The following DPP9 variants were observed in gnomAD, a reference collection of about 807,000 sequenced individuals.
DPP9 encodes dipeptidyl peptidase 9, also known as dipeptidyl peptidase IV-related protein-2.
Under a neutral mutation model 110.7 loss-of-function variants are expected in DPP9, and 50 were observed. That is an observed-to-expected ratio of 0.45 (90% confidence interval 0.36 to 0.57). The LOEUF (loss-of-function observed/expected upper bound fraction) is 0.57. Ranked by LOEUF, DPP9 falls within the 20% of genes least tolerant of loss-of-function variation. The probability of loss-of-function intolerance (pLI) is 0.00; values close to 1 mark genes in which losing one functional copy is unlikely to be tolerated. For missense variants in DPP9, 1,022 were observed against 1,217.9 expected (o/e 0.84, Z 2.39); for synonymous variants, 561 against 514.4 (o/e 1.09, Z -1.23).
intron 21 of DPP9, among the ~76,000 whole-genome samples, chr19:4,678,167 C>T (rs191786437): frequency 5.9e-5 from 9 of 151,892 alleles, no homozygotes; most frequent in Admixed American, 1.3e-4. Flanking sequence ...GGCTGGAGTG[C>T]AGTGGCACAA....
chr19:4,689,376 A>G lies in DPP9; in HGVS notation c.1749+194T>C, dbSNP rs376035973. On this transcript the variant is annotated intron_variant, in intron 15 of 21. Transcript: ENST00000262960. The surrounding 1 kb of genome is among the most constrained non-coding windows in gnomAD (Gnocchi z 7.0). Reference sequence around the variant, plus strand: ...GGGCTCCACCACTTACTACCCTGGGATTGGTGGTGGGCAATTCACTCCCTT... The same window carrying G: ...GGGCTCCACCACTTACTACCCTGGGGTTGGTGGTGGGCAATTCACTCCCTT... Among the ~76,000 whole-genome samples, 1 of 152,156 alleles carries G rather than the reference A, an allele frequency of 6.6e-6. No individual in the cohort carries two copies. The highest frequency in any genetic ancestry group is 2.4e-5 in the African/African-American group (1 of 41,450).
chr19:4,720,373 C>T (rs141092962), intron 2 of DPP9, among the ~76,000 whole-genome samples: 4 of 152,306 alleles, frequency 2.6e-5, no homozygotes, highest in Non-Finnish European at 5.9e-5. Context: ...CCTGCTCGCT[C>T]CTAGCACACA....
Position 4,714,223 on chromosome 19 carries a change from C to G in DPP9, c.171G>C (p.Lys57Asn). 5 of 1,602,688 alleles carry G rather than the reference C, an allele frequency of 3.1e-6. No homozygotes were observed. The highest frequency in any genetic ancestry group is 4.3e-6 in the Non-Finnish European group (5 of 1,175,138). Residue 57 changes from lysine (K) to asparagine (N), a missense_variant, in exon 4 of 22, where the codon AAG (lysine) becomes AAC (asparagine). Physicochemically the swap from Lys to Asn is moderately conservative, Grantham distance 94. Around this residue, in one of 3 missense-constraint regions of DPP9, gnomAD observed 810 missense variants for 920.6 expected, o/e 0.88. Coordinates refer to ENST00000262960, the MANE Select transcript of DPP9 (RefSeq NM_139159.5). ...DDPAARFQVQ[K>N]HSWDGLRSII... Reference sequence around the variant, plus strand: ...TGCTCCGGAGCCCGTCCCACGAGTGCTTCTGCACCTGGAAGCGGGCGGCCG... The same window carrying G: ...TGCTCCGGAGCCCGTCCCACGAGTGGTTCTGCACCTGGAAGCGGGCGGCCG...
chr19:4,683,315 C>T (rs2090189649), intron 19 of DPP9, 162 bp downstream of exon 19: 2 of 1,453,830 alleles, frequency 1.4e-6, no homozygotes, highest in Non-Finnish European at 9.0e-7. Context: ...GGCTCGGCCC[C>T]GTGGGGCTGC....
intron 4 of DPP9, among the ~76,000 whole-genome samples, chr19:4,709,068 A>C (rs570325296): frequency 5.9e-5 from 9 of 151,448 alleles, no homozygotes; most frequent in African/African-American, 1.9e-4. Flanking sequence ...CAGGAGCACA[A>C]CACCACACCC....
chr19:4,723,202 G>C (rs372605172), intron 1 of DPP9, among the ~76,000 whole-genome samples: 1 of 152,236 alleles, frequency 6.6e-6, no homozygotes, highest in Admixed American at 6.5e-5. Context: ...GGAGGAAGTG[G>C]TAAAGGAGTG....
At chr19:4,688,393 G>A (rs930347064) in intron 16 of DPP9, 4 of 226,558 alleles carry the variant, frequency 1.8e-5, no homozygotes, top group African/African-American at 9.0e-5. Context: ...ACAGGCAGAA[G>A]CCACTGTGCC....
chr19:4,692,116 G>A (rs902221563), intron 13 of DPP9, among the ~76,000 whole-genome samples: 4 of 152,086 alleles, frequency 2.6e-5, no homozygotes, highest in South Asian at 2.1e-4. Flanking sequence ...CCACATCCCC[G>A]GCTGGAACAA....
At chr19:4,679,061 T>G (rs1056487994) in intron 21 of DPP9, among the ~76,000 whole-genome samples, 44 of 143,740 alleles carry the variant, frequency 3.1e-4, no homozygotes, top group African/African-American at 1.1e-3. Flanking sequence ...CCACCCTGCT[T>G]ACTGAGGGCC....
chr19:4,715,679 T>C (rs932892247), intron 3 of DPP9: 1 of 152,252 alleles, frequency 6.6e-6, no homozygotes, highest in African/African-American at 2.4e-5. Context: ...GCTGTTGGCT[T>C]GCTGTCCAGC....
At chr19:4,713,399 C>T (rs1200752718) in intron 4 of DPP9, among the ~76,000 whole-genome samples, 1 of 152,246 alleles carries the variant, frequency 6.6e-6, no homozygotes, top group Non-Finnish European at 1.5e-5. Context: ...GCAGCCTAAC[C>T]CGTGCCCTGA....
chr19:4,710,804 T>C lies in DPP9; in HGVS notation c.313+3277A>G, dbSNP rs896199694. Among the ~76,000 whole-genome samples the C allele has an allele frequency of 3.3e-5, 5 of 151,936 alleles. No homozygotes were observed. Among genetic ancestry groups the C allele is most frequent in the Non-Finnish European group, 5.9e-5 (4 of 67,966 alleles). ...AGTGTGAAGTGACAGCCTGGAGTCG[T>C]TGAAGGGTGAATTTCACCCCGAAAG... On this transcript the variant is annotated intron_variant, in intron 4 of 21. Coordinates refer to ENST00000262960, the MANE Select transcript of DPP9 (RefSeq NM_139159.5). This position sits in a 1 kb window ranked among gnomAD's most constrained non-coding sequence, Gnocchi z 5.6.
At chr19:4,701,351 C>G (rs1020851300) in intron 9 of DPP9, among the ~76,000 whole-genome samples, 1 of 152,054 alleles carries the variant, frequency 6.6e-6, no homozygotes, top group Admixed American at 6.6e-5. Context: ...ACCTGTAGTC[C>G]CAGCTACCTG....
rs920487636 is a variant in DPP9, at chr19:4,682,968, G to A, written c.2332-130C>T. 15 of 1,533,104 alleles carry A rather than the reference G, an allele frequency of 9.8e-6. No individual in the cohort carries two copies. Among genetic ancestry groups the A allele is most frequent in the African/African-American group, 5.5e-5 (4 of 73,084 alleles). 95.0% of individuals were successfully genotyped at this position (1,533,104 alleles called of 1,614,324 possible). ...GAGGAGCGCTCATGCACATGGGGCC[G>A]GCAAGGAAGGGGCCCTCAGACCGCG... is the stretch of plus-strand genomic sequence containing the variant. On this transcript the variant is annotated intron_variant, in intron 19 of 21. Transcript: ENST00000262960. The surrounding 1 kb of genome is among the most constrained non-coding windows in gnomAD (Gnocchi z 7.1).
Position 4,710,484 on chromosome 19 carries a change from C to G in DPP9, c.313+3597G>C, listed in dbSNP as rs1338212214. Reference sequence around the variant, plus strand: ...ACCTGAGCCGGCCCCAGCCCATCTTCCCAGCAGCAGGAACCGCACGTTCCC... The same window carrying G: ...ACCTGAGCCGGCCCCAGCCCATCTTGCCAGCAGCAGGAACCGCACGTTCCC... On this transcript the variant is annotated intron_variant, in intron 4 of 21. Transcript: ENST00000262960. The surrounding 1 kb of genome is among the most constrained non-coding windows in gnomAD (Gnocchi z 5.6). 6.6e-6 allele frequency among the ~76,000 whole-genome samples: 1 copy of G among 152,218 alleles called. No individual in the cohort carries two copies. The highest frequency in any genetic ancestry group is 1.5e-5 in the Non-Finnish European group (1 of 68,036).
chr19:4,695,300 G>C lies in DPP9; in HGVS notation c.1353+78C>G, dbSNP rs1599899649. On this transcript the variant is annotated intron_variant, in intron 12 of 21. Coordinates refer to ENST00000262960, the MANE Select transcript of DPP9 (RefSeq NM_139159.5). This position sits in a 1 kb window ranked among gnomAD's most constrained non-coding sequence, Gnocchi z 4.7. ...AAACACCACCTGCCATTGGCGCTCAGCCTTCTAGGACGTGGGGGTGGGGAC... is the reference window on the plus strand; with the variant it reads ...AAACACCACCTGCCATTGGCGCTCACCCTTCTAGGACGTGGGGGTGGGGAC... The C allele has an allele frequency of 7.0e-7, 1 of 1,427,976 alleles. No individual in the cohort carries two copies. The allele number at this position is 1,427,976 out of a possible 1,614,324, so 88.5% of individuals were successfully genotyped here.
At chr19:4,690,765 ATGAG>A (rs1345100623) in intron 14 of DPP9, 109 bp downstream of exon 14, 1 of 845,752 alleles carries the variant, frequency 1.2e-6, no homozygotes, top group South Asian at 1.5e-5. Flanking sequence ...ATGTGTGAGA[ATGAG>A]TATGTGTGTG....
intron 21 of DPP9, among the ~76,000 whole-genome samples, chr19:4,679,111 T>G (rs959915324): frequency 3.5e-5 from 4 of 113,240 alleles, no homozygotes; most frequent in Non-Finnish European, 7.0e-5. Context: ...TCCTCACCGC[T>G]GAGGCGCTGC....
intron 2 of DPP9, among the ~76,000 whole-genome samples, chr19:4,721,978 A>T (rs2093344323): frequency 6.6e-6 from 1 of 152,196 alleles, no homozygotes; most frequent in African/African-American, 2.4e-5. Flanking sequence ...CTGAGCTTCC[A>T]CTTCCCCAGC....
Sources: allele counts gnomAD v4.1 joint callset (sites outside exome capture counted in the v4.1 genomes callset), GRCh38; gene constraint gnomAD v4.1.1; regional missense constraint gnomAD v4.1.1; non-coding constraint Gnocchi (gnomAD v3.1); transcripts MANE v1.5; gene names NCBI Gene and HGNC (gene_info 2026-07-23, HGNC 2026-07-21).